DUSP14: variants seen among roughly 807,000 people sequenced by gnomAD.
DUSP14 encodes the protein dual specificity phosphatase 14.
In DUSP14, 5 loss-of-function variants were observed where a neutral mutation model predicts 13.2. The ratio of observed to expected loss-of-function variants is 0.38; its 90% confidence interval spans 0.20 to 0.80. The LOEUF is 0.80. DUSP14 is among the 30% of genes least tolerant of loss of function. DUSP14 has a pLI of 0.44. For missense variants in DUSP14, 185 were observed against 264.0 expected, an observed-to-expected ratio of 0.70 and a Z score of 2.07; for synonymous variants, 91 against 103.4, an observed-to-expected ratio of 0.88 and a Z score of 0.73.
At chr17:37,493,009 A>G (rs899698946) in intron 1 of DUSP14, among the ~76,000 whole-genome samples, 2 of 151,802 alleles carry the variant, frequency 1.3e-5, no homozygotes, top group African/African-American at 4.8e-5. Context: ...GTGTGTGTGT[A>G]TGTGTATGTA....
chr17:37,494,722 T>C (rs2054052275), intron 1 of DUSP14, among the ~76,000 whole-genome samples: 1 of 152,200 alleles, frequency 6.6e-6, no homozygotes, highest in Admixed American at 6.5e-5. Context: ...TGCCTAGTAT[T>C]ATGTGCTGTG....
intron 1 of DUSP14, among the ~76,000 whole-genome samples, chr17:37,494,382 C>CATTTTCTTTGTAAGAGATGGAGTCT (rs2054050130): frequency 6.6e-6 from 1 of 152,102 alleles, no homozygotes; most frequent in African/African-American, 2.4e-5. Flanking sequence ...CGTTTTTGTT[C>CATTTTCTTTGTAAGAGATGGAGTCT]ATTTTCTTTG....
intron 2 of DUSP14, among the ~76,000 whole-genome samples, chr17:37,511,951 T>TTTTTTTTTTTTTTTTTTTTTTC: frequency 7.4e-6 from 1 of 135,198 alleles, no homozygotes; most frequent in Non-Finnish European, 1.6e-5. Context: ...TTTTTTTTTT[T>TTTTTTTTTTTTTTTTTTTTTTC]TTTTTGGACA....
intron 1 of DUSP14, among the ~76,000 whole-genome samples, chr17:37,500,664 CATTTA>C (rs2054098658): frequency 6.6e-6 from 1 of 152,188 alleles, no homozygotes; most frequent in South Asian, 2.1e-4. Context: ...ATATGATTCA[CATTTA>C]ATTTTTACCA....
intron 1 of DUSP14, among the ~76,000 whole-genome samples, chr17:37,492,322 T>C (rs1475656840): frequency 2.0e-5 from 3 of 152,204 alleles, no homozygotes; most frequent in African/African-American, 7.2e-5. Context: ...CAGGGAGAGT[T>C]GCTAAAGCAA....
At chr17:37,509,104 C>CATATAT (rs1164025226) in intron 1 of DUSP14, among the ~76,000 whole-genome samples, 19 of 36,040 alleles carry the variant, frequency 5.3e-4, no homozygotes, top group African/African-American at 3.4e-3. Flanking sequence ...AAAAAAAACC[C>CATATAT]ATATATATAT....
intron 1 of DUSP14, among the ~76,000 whole-genome samples, chr17:37,495,547 C>T (rs913447628): frequency 4.6e-5 from 7 of 152,204 alleles, no homozygotes; most frequent in Non-Finnish European, 8.8e-5. Flanking sequence ...CTAGAGCATG[C>T]TGCTTCTGTT....
chr17:37,502,375 A>G (rs1268666575), intron 1 of DUSP14, among the ~76,000 whole-genome samples: 1 of 143,454 alleles, frequency 7.0e-6, no homozygotes, highest in Non-Finnish European at 1.5e-5. Context: ...GTAGAGAGAG[A>G]GTCTTCTCAC....
At chr17:37,495,183 G>A (rs1210080654) in intron 1 of DUSP14, among the ~76,000 whole-genome samples, 1 of 152,140 alleles carries the variant, frequency 6.6e-6, no homozygotes, top group Non-Finnish European at 1.5e-5. Flanking sequence ...CCTGTTGCAG[G>A]GCAGGGGCAG....
intron 1 of DUSP14, among the ~76,000 whole-genome samples, chr17:37,490,862 C>T (rs910550377): frequency 1.1e-4 from 16 of 152,150 alleles, no homozygotes; most frequent in African/African-American, 3.9e-4. Flanking sequence ...GAAGAGCAAA[C>T]TCCGGGTATC....
chr17:37,491,478 C>T (rs1314458269), intron 1 of DUSP14: 1 of 152,170 alleles, frequency 6.6e-6, no homozygotes, highest in Non-Finnish European at 1.5e-5. Context: ...TCTTCTGACG[C>T]TTGGGGGAGG....
intron 1 of DUSP14, among the ~76,000 whole-genome samples, chr17:37,500,277 C>A (rs2054096718): frequency 6.6e-6 from 1 of 152,218 alleles, no homozygotes; most frequent in African/African-American, 2.4e-5. Flanking sequence ...AGGAAGTCCT[C>A]ATAGGGTGAA....
At chr17:37,511,938 C>CCCCCCTCTTTTT (rs1568206074) in intron 2 of DUSP14, among the ~76,000 whole-genome samples, 1 of 38,248 alleles carries the variant, frequency 2.6e-5, no homozygotes, top group Non-Finnish European at 4.6e-5. Context: ...CCCCACCCCA[C>CCCCCCTCTTTTT]TTTTTTTTTT....
chr17:37,500,941 C>T (rs148775806), intron 1 of DUSP14, among the ~76,000 whole-genome samples: 242 of 152,226 alleles, frequency 1.6e-3, no homozygotes, highest in African/African-American at 5.6e-3. Flanking sequence ...CCGCCCCCTC[C>T]CCGCCCCAGC....
chr17:37,489,188 G>T (rs1465066903), upstream of DUSP14, among the ~76,000 whole-genome samples: 1 of 152,204 alleles, frequency 6.6e-6, no homozygotes, highest in Non-Finnish European at 1.5e-5. Flanking sequence ...AAATGCCCGT[G>T]TCCCGCCTGC....
chr17:37,490,166 A>AC (rs1206214115), intron 1 of DUSP14, among the ~76,000 whole-genome samples: 12 of 146,800 alleles, frequency 8.2e-5, no homozygotes, highest in East Asian at 4.2e-4. Context: ...GAGGCCCGAG[A>AC]CCTTCCGCAG....
intron 1 of DUSP14, among the ~76,000 whole-genome samples, chr17:37,506,608 T>G (rs1202350254): frequency 6.6e-6 from 1 of 152,124 alleles, no homozygotes; most frequent in Non-Finnish European, 1.5e-5. Flanking sequence ...CTATCTCCTT[T>G]CCCTGTCTCC....
chr17:37,493,141 T>C (rs1377068450), intron 1 of DUSP14, among the ~76,000 whole-genome samples: 1 of 152,194 alleles, frequency 6.6e-6, no homozygotes, highest in Non-Finnish European at 1.5e-5. Flanking sequence ...TGTTTTAATT[T>C]TTTTAGAGAC....
At chr17:37,491,610 C>T (rs1458518009) in intron 1 of DUSP14, 1 of 152,112 alleles carries the variant, frequency 6.6e-6, no homozygotes, top group Non-Finnish European at 1.5e-5. Context: ...TGAAAGCTTT[C>T]ATATCGGTTG....
Sources: allele counts gnomAD v4.1 joint callset (sites outside exome capture counted in the v4.1 genomes callset), GRCh38; gene constraint gnomAD v4.1.1; transcripts MANE v1.5; gene names NCBI Gene and HGNC (gene_info 2026-07-23, HGNC 2026-07-21).